SLC16A12: variants seen among roughly 807,000 people sequenced by gnomAD.
SLC16A12 encodes the protein monocarboxylate transporter 12.
A neutral mutation model predicts 42.4 loss-of-function variants in SLC16A12; 17 were observed. The ratio of observed to expected loss-of-function variants is 0.40; its 90% CI spans 0.27 to 0.60. SLC16A12 has a LOEUF of 0.60. SLC16A12 is among the 20% of genes least tolerant of loss of function. The probability of loss-of-function intolerance (pLI) is 0.42; values close to 1 mark genes in which losing one functional copy is unlikely to be tolerated. For missense variants in SLC16A12, 544 were observed against 623.0 expected, an observed-to-expected ratio of 0.87 and a Z score of 1.35; for synonymous variants, 224 against 229.4, an observed-to-expected ratio of 0.98 and a Z score of 0.21.
chr10:89,433,227 A>G lies in SLC16A12; in HGVS notation c.1388T>C (p.Ile463Thr), dbSNP rs773492234. The G allele has an allele frequency of 6.2e-7, 1 of 1,614,230 alleles. No homozygotes were observed. Among genetic ancestry groups the G allele is most frequent in the Non-Finnish European group, 8.5e-7 (1 of 1,180,034 alleles). ...CAACTGGGTTTTTCTCATTCTCTTT[A>G]TAAGTCTAGCAAAGCCAAGCAACAC... ...SSVLLGFARL[I>T]KRMRKTQLQF... The change falls in exon 8 of 8, where the codon ATA becomes ACA. Residue 463 changes from isoleucine (I) to threonine (T), a missense_variant. Coordinates refer to ENST00000371790, the MANE Select transcript of SLC16A12 (RefSeq NM_213606.4).
intron 2 of SLC16A12, among the ~76,000 whole-genome samples, chr10:89,477,446 C>T (rs11203143): frequency 0.12 from 18,093 of 151,706 alleles, 1,139 homozygotes; most frequent in South Asian, 0.2. Context: ...TGTCTGTAAT[C>T]CCAGCTACTC....
chr10:89,529,943 T>C (rs1209346774), intron 2 of SLC16A12, among the ~76,000 whole-genome samples: 1 of 152,172 alleles, frequency 6.6e-6, no homozygotes, highest in Non-Finnish European at 1.5e-5. Context: ...TTTCAAAATA[T>C]ACAGGGTACC....
At chr10:89,499,118 A>C (rs1842961571) in intron 2 of SLC16A12, among the ~76,000 whole-genome samples, 1 of 152,188 alleles carries the variant, frequency 6.6e-6, no homozygotes, top group Non-Finnish European at 1.5e-5. Context: ...ATGGATCCAA[A>C]CCAAGAAGAA....
chr10:89,491,195 G>C (rs1231723621), intron 2 of SLC16A12, among the ~76,000 whole-genome samples: 1 of 152,126 alleles, frequency 6.6e-6, no homozygotes, highest in South Asian at 2.1e-4. Context: ...GAGCTGCCTG[G>C]AGCCATTATA....
chr10:89,486,317 C>G (rs1241119090), intron 2 of SLC16A12, among the ~76,000 whole-genome samples: 1 of 152,046 alleles, frequency 6.6e-6, no homozygotes, highest in African/African-American at 2.4e-5. Context: ...GGCCTCCCTG[C>G]TCCATCACTC....
rs1841784886 is a variant in SLC16A12 at position 89,436,266 on chromosome 10, C to T, written c.1082G>A (p.Gly361Glu). 6.2e-7 allele frequency: 1 copy of T among 1,614,038 alleles called. No individual in the cohort carries two copies. The highest frequency in any genetic ancestry group is 8.5e-7 in the Non-Finnish European group (1 of 1,179,978). Residue 361 changes from glycine (G) to glutamate (E), a missense_variant, in exon 7 of 8, where the codon GGG becomes GAG. Transcript: ENST00000371790. ...CATTGGGAGGCAGAGATAGCAGAGC[C>T]CATCCATTCCCACGGCAAAGAGGTA... ...VCYLFAVGMD[G>E]LCYLCLPMLQ...
At chr10:89,512,621 C>G (rs542654407) in intron 2 of SLC16A12, among the ~76,000 whole-genome samples, 26 of 152,202 alleles carry the variant, frequency 1.7e-4, no homozygotes, top group Non-Finnish European at 1.2e-4. Context: ...AAGAATGCAT[C>G]CACAAGCCAA....
intron 2 of SLC16A12, among the ~76,000 whole-genome samples, chr10:89,496,263 C>T (rs73373244): frequency 0.014 from 2,093 of 151,608 alleles, 48 homozygotes; most frequent in African/African-American, 0.047. Flanking sequence ...GTCAAGAAAA[C>T]ATAATGCATA....
At chr10:89,481,678 A>AGAGAGAGTGT (rs771386614) in intron 2 of SLC16A12, among the ~76,000 whole-genome samples, 1 of 143,896 alleles carries the variant, frequency 6.9e-6, no homozygotes, top group African/African-American at 2.5e-5. Flanking sequence ...AGAGAGAGAG[A>AGAGAGAGTGT]GTGTGTGTGT....
chr10:89,430,627 A>G lies in SLC16A12; in HGVS notation c.*2437T>C. 1 of 463,926 alleles carries G rather than the reference A, an allele frequency of 2.2e-6. No individual in the cohort carries two copies. The highest frequency in any genetic ancestry group is 4.4e-6 in the Non-Finnish European group (1 of 225,426). 28.7% of individuals were successfully genotyped at this position (463,926 alleles called of 1,614,324 possible). On this transcript the variant is annotated 3_prime_UTR_variant, in exon 8 of 8. Transcript: ENST00000371790. The stretch of plus-strand genomic sequence containing the variant: ...ACTAAAATTCTGTGTAGAAATGTAA[A>G]ATAGTAGACCTTAAGATGTACATTT...
intron 2 of SLC16A12, among the ~76,000 whole-genome samples, chr10:89,483,766 A>AC: frequency 6.6e-6 from 1 of 151,666 alleles, no homozygotes; most frequent in Non-Finnish European, 1.5e-5. Flanking sequence ...AAAAAAAAAA[A>AC]ACGGAAGAAG....
chr10:89,459,510 G>C (rs931294015), intron 3 of SLC16A12, among the ~76,000 whole-genome samples: 1 of 133,004 alleles, frequency 7.5e-6, no homozygotes, highest in African/African-American at 3.3e-5. Flanking sequence ...AGCGGTTTCT[G>C]TGTTTATGTG....
chr10:89,546,106 A>G lies in SLC16A12; in HGVS notation c.-47+9776T>C, dbSNP rs1034210328. Among the ~76,000 whole-genome samples the G allele has an allele frequency of 7.3e-4, 110 of 150,620 alleles. 2 individuals carry two copies. Among genetic ancestry groups the G allele is most frequent in the Non-Finnish European group, 1.3e-4 (9 of 68,038 alleles). On this transcript the variant is annotated intron_variant, in intron 2 of 2. Coordinates refer to the SLC16A12 transcript ENST00000475682. ...AAAAACCCTAGAAGAAAACCTAGGC[A>G]GTACCATTCAGGACACAGGCATGGG... is the stretch of plus-strand genomic sequence containing the variant.
intron 3 of SLC16A12, among the ~76,000 whole-genome samples, chr10:89,450,087 C>A (rs1190903308): frequency 6.6e-6 from 1 of 152,076 alleles, no homozygotes; most frequent in Non-Finnish European, 1.5e-5. Flanking sequence ...TTAGAATGGC[C>A]ATCATTAAAA....
intron 2 of SLC16A12, among the ~76,000 whole-genome samples, chr10:89,492,037 G>A (rs1436915361): frequency 6.6e-6 from 1 of 152,160 alleles, no homozygotes; most frequent in Non-Finnish European, 1.5e-5. Context: ...TCAATTCATG[G>A]ATAATATCAA....
intron 2 of SLC16A12, among the ~76,000 whole-genome samples, chr10:89,507,916 A>G (rs1389539965): frequency 6.6e-6 from 1 of 152,234 alleles, no homozygotes; most frequent in Non-Finnish European, 1.5e-5. Context: ...GAAAAAAAGC[A>G]GGGTTTGCAA....
upstream of SLC16A12, among the ~76,000 whole-genome samples, chr10:89,539,110 C>A (rs1343493333): frequency 2.0e-5 from 3 of 152,188 alleles, no homozygotes; most frequent in Non-Finnish European, 4.4e-5. Context: ...TCTCTCTACC[C>A]TACTGCAAGT....
intron 2 of SLC16A12, among the ~76,000 whole-genome samples, chr10:89,518,872 A>G (rs1018882144): frequency 3.5e-4 from 54 of 152,138 alleles, no homozygotes; most frequent in African/African-American, 1.3e-3. Flanking sequence ...CTATTATCAT[A>G]TCTAACCCAT....
At chr10:89,478,725 T>A (rs1054861247) in intron 2 of SLC16A12, among the ~76,000 whole-genome samples, 1 of 152,214 alleles carries the variant, frequency 6.6e-6, no homozygotes, top group Non-Finnish European at 1.5e-5. Context: ...TCTCCCAAGT[T>A]ACAGACTCAA....
Sources: allele counts gnomAD v4.1 joint callset (sites outside exome capture counted in the v4.1 genomes callset), GRCh38; gene constraint gnomAD v4.1.1; transcripts MANE v1.5; gene names NCBI Gene and HGNC (gene_info 2026-07-23, HGNC 2026-07-21).